Variants in NRXN3 observed in about 807,000 individuals in gnomAD.
NRXN3 encodes the protein neurexin III.
In NRXN3, 32 loss-of-function variants were observed where a neutral mutation model predicts 137.6. That is an observed-to-expected ratio of 0.23 (90% CI 0.18 to 0.31). The LOEUF is 0.31. NRXN3 is among the 10% of genes least tolerant of loss of function. The pLI, the probability that NRXN3 is intolerant of heterozygous loss-of-function variation, is 1.00. For missense variants in NRXN3, 1,574 were observed against 2,062.5 expected, an observed-to-expected ratio of 0.76 and a Z score of 4.59; for synonymous variants, 798 against 784.5, an observed-to-expected ratio of 1.02 and a Z score of -0.29.
Position 78,926,899 on chromosome 14 carries a change from TAA to T in NRXN3, c.2276-30342_2276-30341del, listed in dbSNP as rs1374953731. On this transcript the variant is annotated intron_variant, in intron 10 of 20. Transcript: ENST00000335750. ...TATATAATATATTTATATATATATA[TAA>T]TATATATAATATATATATAATATAT... Among the ~76,000 whole-genome samples the T allele has an allele frequency of 4.9e-4, 12 of 24,492 alleles. No homozygotes were observed. In the South Asian group the frequency reaches 8.7e-3, roughly 18 times the overall value. The allele number at this position is 24,492 out of a possible 152,430, so 16.1% of individuals were successfully genotyped here.
intron 4 of NRXN3, among the ~76,000 whole-genome samples, chr14:78,527,276 T>A (rs1204385690): frequency 6.6e-6 from 1 of 152,180 alleles, no homozygotes; most frequent in Non-Finnish European, 1.5e-5. Flanking sequence ...TCTCTGCTTC[T>A]GGGGAGGCCT....
At chr14:79,781,410 A>G (rs996218147) in intron 19 of NRXN3, among the ~76,000 whole-genome samples, 9 of 152,250 alleles carry the variant, frequency 5.9e-5, no homozygotes, top group Admixed American at 3.3e-4. Flanking sequence ...AAGTCAAGAA[A>G]GAAACATAAC....
intron 15 of NRXN3, among the ~76,000 whole-genome samples, chr14:79,240,099 T>A (rs1481482505): frequency 2.0e-5 from 3 of 152,294 alleles, no homozygotes; most frequent in African/African-American, 7.2e-5. Flanking sequence ...ATATATTAAT[T>A]AGTTTGAGTT....
chr14:79,677,639 T>C (rs193229090), intron 17 of NRXN3, among the ~76,000 whole-genome samples: 18 of 152,248 alleles, frequency 1.2e-4, no homozygotes, highest in Non-Finnish European at 1.2e-4. Flanking sequence ...ATTCTGTGAC[T>C]TTCCCCCGCT....
intron 2 of NRXN3, among the ~76,000 whole-genome samples, chr14:78,275,844 A>G (rs2073505031): frequency 1.3e-5 from 2 of 152,180 alleles, no homozygotes; most frequent in African/African-American, 2.4e-5. Context: ...AGAAGAGGAA[A>G]GGGATGCTGG....
Position 78,243,276 on chromosome 14 carries a change from G to C in NRXN3, c.183G>C (p.Thr61=), listed in dbSNP as rs955668083. 6.4e-7 allele frequency: 1 copy of C among 1,561,606 alleles called. No homozygotes were observed. The highest frequency in any genetic ancestry group is 8.6e-7 in the Non-Finnish European group (1 of 1,161,464). ...LSFQFKTNVS[T]GLLLYLDDGG... ...TCCAGTTCAAGACCAACGTCTCTAC[G>C]GGGCTGCTCCTCTACCTGGATGATG... The change falls in exon 2 of 21, where the codon ACG becomes ACC. Residue 61 remains threonine, a synonymous_variant. Coordinates refer to ENST00000335750, the MANE Select transcript of NRXN3 (RefSeq NM_001330195.2). The surrounding 1 kb of genome is among the most constrained non-coding windows in gnomAD (Gnocchi z 4.2).
chr14:79,140,324 G>T (rs1037947580), intron 15 of NRXN3, among the ~76,000 whole-genome samples: 1 of 152,010 alleles, frequency 6.6e-6, no homozygotes, highest in Non-Finnish European at 1.5e-5. Flanking sequence ...ACATACCTAC[G>T]TTTGAGAGAC....
intron 10 of NRXN3, among the ~76,000 whole-genome samples, chr14:78,887,880 A>G (rs192053381): frequency 5.3e-5 from 8 of 152,180 alleles, no homozygotes; most frequent in African/African-American, 1.9e-4. Context: ...TGGGGTGGCC[A>G]GGAGCTCTTC....
At chr14:78,808,027 A>G (rs997780308) in intron 9 of NRXN3, among the ~76,000 whole-genome samples, 1 of 151,962 alleles carries the variant, frequency 6.6e-6, no homozygotes, top group Non-Finnish European at 1.5e-5. Context: ...GCGTGTGTCT[A>G]TATACACACG....
chr14:78,628,686 G>A (rs1278171829), intron 4 of NRXN3, among the ~76,000 whole-genome samples: 1 of 152,182 alleles, frequency 6.6e-6, no homozygotes, highest in Non-Finnish European at 1.5e-5. Flanking sequence ...ATGTAATCTG[G>A]TTATATTGGT....
intron 4 of NRXN3, among the ~76,000 whole-genome samples, chr14:78,633,986 G>A (rs764464489): frequency 4.6e-5 from 7 of 152,180 alleles, no homozygotes; most frequent in Non-Finnish European, 7.4e-5. Context: ...CTAAGAGGAT[G>A]GGCACAGATT....
intron 4 of NRXN3, among the ~76,000 whole-genome samples, chr14:78,444,873 C>T (rs148686966): frequency 0.028 from 3,640 of 127,770 alleles, 161 homozygotes; most frequent in Admixed American, 0.17. Context: ...GAGCCGAGAT[C>T]GCACCACTGC....
At chr14:78,307,127 T>C (rs2077447890) in intron 4 of NRXN3, among the ~76,000 whole-genome samples, 1 of 152,108 alleles carries the variant, frequency 6.6e-6, no homozygotes, top group Admixed American at 6.6e-5. Context: ...TTGCTTGTCA[T>C]TTATTTGTTT....
At chr14:78,449,924 C>T (rs2094510936) in intron 4 of NRXN3, among the ~76,000 whole-genome samples, 1 of 152,220 alleles carries the variant, frequency 6.6e-6, no homozygotes, top group Non-Finnish European at 1.5e-5. Flanking sequence ...ACTAAGGAAT[C>T]CTTCTCCATT....
intron 10 of NRXN3, among the ~76,000 whole-genome samples, chr14:78,834,223 ATGAG>A (rs1270263878): frequency 6.6e-6 from 1 of 152,102 alleles, no homozygotes; most frequent in Non-Finnish European, 1.5e-5. Context: ...TTATAAATAA[ATGAG>A]TGATGTGATT....
chr14:79,182,019 T>C (rs2153134291), intron 15 of NRXN3, among the ~76,000 whole-genome samples: 1 of 152,282 alleles, frequency 6.6e-6, no homozygotes, highest in Middle Eastern at 3.4e-3. Flanking sequence ...GAAAATATTA[T>C]TTCCCTTATA....
chr14:79,160,792 G>A (rs1016709577), intron 15 of NRXN3, among the ~76,000 whole-genome samples: 1 of 151,972 alleles, frequency 6.6e-6, no homozygotes, highest in African/African-American at 2.4e-5. Context: ...ATGGCACATG[G>A]TGGTAGGCTG....
chr14:79,272,526 G>T (rs1481731787), intron 15 of NRXN3, among the ~76,000 whole-genome samples: 5 of 152,058 alleles, frequency 3.3e-5, no homozygotes, highest in Non-Finnish European at 1.5e-5. Context: ...TAGGAAGAAG[G>T]CTAATTATTA....
At chr14:79,510,199 A>G (rs1467803793) in intron 16 of NRXN3, among the ~76,000 whole-genome samples, 1 of 152,212 alleles carries the variant, frequency 6.6e-6, no homozygotes, top group Non-Finnish European at 1.5e-5. Context: ...ACTGTCAAAA[A>G]GGTTTCTTAA....
Sources: gnomAD v4.1 joint callset for allele counts (sites outside exome capture counted in the v4.1 genomes callset) on GRCh38, gnomAD v4.1.1 for gene constraint, Gnocchi (gnomAD v3.1) non-coding constraint, MANE v1.5 for transcripts, NCBI Gene and HGNC (gene_info 2026-07-23, HGNC 2026-07-21) for gene names.